Variants in MAGI1 observed in about 807,000 individuals in gnomAD.
MAGI1 encodes the protein membrane-associated guanylate kinase, WW and PDZ domain-containing protein 1.
MAGI1 carries 58 observed loss-of-function variants against 139.9 expected under a neutral mutation model. The ratio of observed to expected loss-of-function variants is 0.41; its 90% confidence interval spans 0.34 to 0.52. The LOEUF is 0.52. Among genes scored for constraint, MAGI1 ranks in the 20% least tolerant of loss-of-function variants. The pLI, the probability that MAGI1 is intolerant of heterozygous loss-of-function variation, is 0.12. For missense variants in MAGI1, 1,874 were observed against 1,901.6 expected (o/e 0.99, Z 0.27); for synonymous variants, 812 against 737.9 (o/e 1.10, Z -1.63).
At chr3:65,930,855 A>G (rs1175737413) in intron 1 of MAGI1, among the ~76,000 whole-genome samples, 2 of 152,176 alleles carry the variant, frequency 1.3e-5, no homozygotes, top group Non-Finnish European at 2.9e-5. Flanking sequence ...AAGTTACCGT[A>G]TATGGTCTAA....
chr3:65,357,067 G>A lies in MAGI1; in HGVS notation c.3700C>T (p.Pro1234Ser). ...PQGVPEVRAG[P>S]DRRQHPSLES... ...AATGACGGATGCTGCCGGCGGTCGGGCCCGGCCCTCACTTCCGGAACACCT... is the reference window on the plus strand; with the variant it reads ...AATGACGGATGCTGCCGGCGGTCGGACCCGGCCCTCACTTCCGGAACACCT... Residue 1234 changes from proline to serine, a missense_variant, in exon 23 of 23, where the codon CCC becomes TCC. Physicochemically the swap from Pro to Ser is moderately conservative, Grantham distance 74. Around this residue, in one of 5 missense-constraint regions of MAGI1, gnomAD observed 653 missense variants for 644.5 expected, o/e 1.01. Coordinates refer to ENST00000402939, the MANE Select transcript of MAGI1 (RefSeq NM_001033057.2). The A allele has an allele frequency of 6.2e-7, 1 of 1,614,176 alleles. No individual in the cohort carries two copies. The highest frequency in any genetic ancestry group is 8.5e-7 in the Non-Finnish European group (1 of 1,180,030).
intron 2 of MAGI1, among the ~76,000 whole-genome samples, chr3:65,575,002 T>A (rs1308246533): frequency 6.6e-6 from 1 of 152,090 alleles, no homozygotes; most frequent in Non-Finnish European, 1.5e-5. Context: ...GACTTTAGGT[T>A]AAGTAAAAAC....
intron 9 of MAGI1, among the ~76,000 whole-genome samples, chr3:65,439,526 T>C (rs1172229838): frequency 4.6e-5 from 7 of 152,198 alleles, no homozygotes; most frequent in Non-Finnish European, 1.0e-4. Context: ...TCATGCCCAG[T>C]AACTCCACTT....
intron 1 of MAGI1, among the ~76,000 whole-genome samples, chr3:65,864,340 T>TCTTTCTCCCTGGTA (rs1311631131): frequency 6.6e-6 from 1 of 152,234 alleles, no homozygotes; most frequent in Non-Finnish European, 1.5e-5. Context: ...ATGACCTCAT[T>TCTTTCTCCCTGGTA]CAGGCTCTTC....
chr3:65,387,277 T>C, intron 14 of MAGI1: 1 of 1,343,928 alleles, frequency 7.4e-7, no homozygotes. Flanking sequence ...ATTCTTTCTC[T>C]TAGTTCACTT....
At chr3:65,603,349 T>C (rs1395851984) in intron 2 of MAGI1, among the ~76,000 whole-genome samples, 2 of 152,194 alleles carry the variant, frequency 1.3e-5, no homozygotes, top group Non-Finnish European at 2.9e-5. Flanking sequence ...AAAATATATA[T>C]AGCACAGTGT....
chr3:65,787,099 A>T (rs1184606065), intron 1 of MAGI1, among the ~76,000 whole-genome samples: 1 of 152,158 alleles, frequency 6.6e-6, no homozygotes, highest in East Asian at 1.9e-4. Flanking sequence ...AATTTATGGA[A>T]CAACAATAAA....
intron 1 of MAGI1, among the ~76,000 whole-genome samples, chr3:65,763,184 G>C (rs1457862520): frequency 6.6e-6 from 1 of 152,174 alleles, no homozygotes; most frequent in Non-Finnish European, 1.5e-5. Context: ...GGGAAGCTGA[G>C]ACCAAGAGAG....
rs1559567732 is a variant in MAGI1 at position 65,454,531 on chromosome 3, T to TAATAAC, written c.960-1192_960-1191insGTTATT. On this transcript the variant is annotated intron_variant, in intron 5 of 22. Coordinates refer to ENST00000402939, the MANE Select transcript of MAGI1 (RefSeq NM_001033057.2). Reference sequence around the variant, plus strand: ...ATGTACCCTAAAACTGAAAGTATAATAATAATAATAATAATAATAATAATA... The same window carrying TAATAAC: ...ATGTACCCTAAAACTGAAAGTATAATAATAACAATAATAATAATAATAATAATAATA... 1.6e-4 allele frequency among the ~76,000 whole-genome samples: 11 copies of TAATAAC among 70,302 alleles called. No individual in the cohort carries two copies. In the South Asian group the frequency reaches 5.0e-3, roughly 32 times the overall value. The allele number at this position is 70,302 out of a possible 152,430, so 46.1% of individuals were successfully genotyped here.
chr3:65,918,535 C>G (rs559731211), intron 1 of MAGI1, among the ~76,000 whole-genome samples: 2 of 152,048 alleles, frequency 1.3e-5, no homozygotes, highest in Non-Finnish European at 2.9e-5. Context: ...TGTGCACCAC[C>G]ACGCCCAGCT....
chr3:65,522,153 GAT>G (rs2078192628), intron 2 of MAGI1, among the ~76,000 whole-genome samples: 1 of 152,112 alleles, frequency 6.6e-6, no homozygotes, highest in Admixed American at 6.5e-5. Flanking sequence ...GCAATAATGA[GAT>G]ATGAGTCAAA....
rs527979307 is a variant in MAGI1, at chr3:65,428,629, G to T, written c.2167+891C>A. The stretch of plus-strand genomic sequence containing the variant: ...TTCATAAATACCTAAAAGGAGTCAG[G>T]TGTTGTGTTAAATGCTGGGGATAAC... On this transcript the variant is annotated intron_variant, in intron 12 of 22. Transcript: ENST00000402939. Among the ~76,000 whole-genome samples the T allele has an allele frequency of 2.0e-5, 3 of 152,196 alleles. No homozygotes were observed. The East Asian group carries it at 5.8e-4, about 29-fold the overall frequency.
Position 65,659,582 on chromosome 3 carries a change from C to T in MAGI1, c.314-37494G>A, listed in dbSNP as rs1343377972. 3.3e-5 allele frequency among the ~76,000 whole-genome samples: 5 copies of T among 152,156 alleles called. No individual in the cohort carries two copies. The East Asian group carries it at 9.6e-4, about 29-fold the overall frequency. ...CCAGGAGTTTTCATGAATATCCCAC[C>T]CCTTGGTTAAAGAAACCCATAAAGA... On this transcript the variant is annotated intron_variant, in intron 1 of 22. Transcript: ENST00000402939.
chr3:65,464,308 G>A (rs111509232), intron 5 of MAGI1, among the ~76,000 whole-genome samples: 1 of 151,668 alleles, frequency 6.6e-6, no homozygotes, highest in South Asian at 2.1e-4. Context: ...CTCTTCCCAG[G>A]TTCTTGCACT....
Position 65,829,519 on chromosome 3 carries a change from G to A in MAGI1, c.314-207431C>T, listed in dbSNP as rs2042411038. ...ATCTATGACGAAGAAGACCTCCCCA[G>A]ACATCATATCTGCTGGTGCCTTGAT... On this transcript the variant is annotated intron_variant, in intron 1 of 22. Coordinates refer to ENST00000402939, the MANE Select transcript of MAGI1 (RefSeq NM_001033057.2). Among the ~76,000 whole-genome samples, 3 of 152,162 alleles carry A rather than the reference G, an allele frequency of 2.0e-5. No homozygotes were observed. The South Asian group carries it at 6.2e-4, about 32-fold the overall frequency.
At chr3:65,451,118 C>T in intron 6 of MAGI1, among the ~76,000 whole-genome samples, 1 of 151,926 alleles carries the variant, frequency 6.6e-6, no homozygotes, top group East Asian at 1.9e-4. Flanking sequence ...AACATTAACA[C>T]AAAAAGATAA....
At chr3:65,812,892 G>A (rs1481730234) in intron 1 of MAGI1, among the ~76,000 whole-genome samples, 3 of 151,268 alleles carry the variant, frequency 2.0e-5, no homozygotes, top group Non-Finnish European at 4.4e-5. Context: ...GTATTTTTTA[G>A]CAGAGATGGG....
chr3:65,881,473 T>G (rs992982383), intron 1 of MAGI1, among the ~76,000 whole-genome samples: 3 of 151,830 alleles, frequency 2.0e-5, no homozygotes, highest in Admixed American at 6.6e-5. Context: ...AAAAATTTTT[T>G]GTAATTAGCT....
chr3:65,414,391 G>A (rs1946031179), intron 12 of MAGI1, among the ~76,000 whole-genome samples: 1 of 152,198 alleles, frequency 6.6e-6, no homozygotes, highest in Non-Finnish European at 1.5e-5. Context: ...CGTTACATAA[G>A]AGTGACGAAT....
Sources: gnomAD v4.1 joint callset for allele counts (sites outside exome capture counted in the v4.1 genomes callset) on GRCh38, gnomAD v4.1.1 for gene constraint, gnomAD v4.1.1 regional missense constraint, MANE v1.5 for transcripts, NCBI Gene and HGNC (gene_info 2026-07-23, HGNC 2026-07-21) for gene names.